The following TENM1 variants were observed in gnomAD, a reference collection of about 807,000 sequenced individuals.
The protein encoded by TENM1 is teneurin-1.
A neutral mutation model predicts 174.8 loss-of-function variants in TENM1; 35 were observed. The observed-to-expected ratio is 0.20, with a 90% confidence interval of 0.15 to 0.27. The LOEUF (loss-of-function observed/expected upper bound fraction) is 0.27. Among genes scored for constraint, TENM1 ranks in the 10% least tolerant of loss-of-function variants. TENM1 has a pLI of 1.00. For missense variants in TENM1, 1,633 were observed against 2,130.1 expected, an observed-to-expected ratio of 0.77 and a Z score of 4.59; for synonymous variants, 781 against 798.7, an observed-to-expected ratio of 0.98 and a Z score of 0.37.
intron 13 of TENM1, among the ~76,000 whole-genome samples, chrX:124,562,182 A>G (rs895029941): frequency 1.8e-5 from 2 of 111,669 alleles, no homozygotes; most frequent in African/African-American, 6.5e-5. Flanking sequence ...TATGGCCAAT[A>G]TGTTGGGAAA....
chrX:124,392,457 G>T, intron 27 of TENM1, 109 bp from the exon 31 acceptor site: 1 of 608,426 alleles, frequency 1.6e-6, no homozygotes, highest in Non-Finnish European at 2.5e-6. Flanking sequence ...AGTCTGTCTT[G>T]CCTCTGAAGC....
In TENM1 at chrX:124,422,653, G is replaced by T; in HGVS notation, c.4105-15C>A. ...TCTAATCGCACCTGTGAAACGAACA[G>T]AACACATACCATTAGGTTACCATGT... On this transcript the variant is annotated splice_polypyrimidine_tract_variant and intron_variant, in intron 23 of 31. Transcript: ENST00000422452. 8.4e-7 allele frequency: 1 copy of T among 1,194,664 alleles called. No homozygotes were observed. Among genetic ancestry groups the T allele is most frequent in the South Asian group, 1.8e-5 (1 of 54,839 alleles).
chrX:124,724,720 C>T (rs1037133747), intron 4 of TENM1, among the ~76,000 whole-genome samples: 3 of 111,848 alleles, frequency 2.7e-5, no homozygotes, highest in African/African-American at 6.5e-5. Context: ...CCCTTGAGCC[C>T]GGGAGGTTGA....
chrX:124,686,922 C>T (rs1448133080), intron 5 of TENM1, among the ~76,000 whole-genome samples: 2 of 111,312 alleles, frequency 1.8e-5, no homozygotes, highest in East Asian at 5.6e-4. Flanking sequence ...TCTGGCAGGG[C>T]AAGCAGGCAA....
intron 3 of TENM1, among the ~76,000 whole-genome samples, chrX:124,857,038 G>A (rs2056827297): frequency 9.0e-6 from 1 of 111,007 alleles, no homozygotes; most frequent in Non-Finnish European, 1.9e-5. Flanking sequence ...ACTGGGTTGT[G>A]ATGAAAAATG....
chrX:125,005,923 T>C, the TENM1 span, among the ~76,000 whole-genome samples: 1 of 111,400 alleles, frequency 9.0e-6, no homozygotes, highest in Non-Finnish European at 1.9e-5. Context: ...GCCCCAGGTT[T>C]TGAGCACAAA....
At chrX:125,109,627 G>A in the TENM1 span, among the ~76,000 whole-genome samples, 2 of 111,264 alleles carry the variant, frequency 1.8e-5, no homozygotes, top group African/African-American at 6.5e-5. Context: ...ATGGGACAGA[G>A]GGAGAGAGAG....
chrX:124,738,150 A>G (rs1481559187), intron 3 of TENM1, among the ~76,000 whole-genome samples: 2 of 111,897 alleles, frequency 1.8e-5, no homozygotes, highest in Non-Finnish European at 3.8e-5. Context: ...AACATAATAG[A>G]TGTCAAGTGA....
At chrX:124,856,958 C>T (rs1405097117) in intron 3 of TENM1, among the ~76,000 whole-genome samples, 1 of 111,364 alleles carries the variant, frequency 9.0e-6, no homozygotes, top group Non-Finnish European at 1.9e-5. Context: ...TCACAGTGCA[C>T]TGCATATAGT....
chrX:125,014,829 G>A, the TENM1 span, among the ~76,000 whole-genome samples: 1 of 111,456 alleles, frequency 9.0e-6, no homozygotes, highest in Non-Finnish European at 1.9e-5. Context: ...AAATGGAAAA[G>A]ATATATTTTC....
chrX:125,169,343 T>C, the TENM1 span, among the ~76,000 whole-genome samples: 1 of 111,527 alleles, frequency 9.0e-6, no homozygotes, highest in Non-Finnish European at 1.9e-5. Flanking sequence ...ACCCCATTCC[T>C]TTTAAAGATG....
At chrX:124,417,174 T>C (rs1278193879) in intron 25 of TENM1, among the ~76,000 whole-genome samples, 1 of 111,993 alleles carries the variant, frequency 8.9e-6, no homozygotes, top group Non-Finnish European at 1.9e-5. Context: ...CTCAGTGTCT[T>C]TTGCTGGTTC....
chrX:124,781,265 G>T (rs1213426329), intron 3 of TENM1, among the ~76,000 whole-genome samples: 1 of 111,511 alleles, frequency 9.0e-6, no homozygotes, highest in Admixed American at 9.6e-5. Context: ...TTAAATGAAA[G>T]AATAAAATCC....
At chrX:124,645,479 G>T in intron 9 of TENM1, 142 bp from the exon 13 acceptor site, 2 of 499,212 alleles carry the variant, frequency 4.0e-6, no homozygotes, top group Non-Finnish European at 3.2e-6. Context: ...ACATGTTCAT[G>T]ATTACAAACA....
At chrX:125,167,359 G>C in the TENM1 span, among the ~76,000 whole-genome samples, 1 of 111,079 alleles carries the variant, frequency 9.0e-6, no homozygotes. Context: ...ACATTTTAGG[G>C]ACAACAACTT....
intron 11 of TENM1, among the ~76,000 whole-genome samples, chrX:124,566,391 C>T (rs1373426171): frequency 1.8e-5 from 2 of 111,909 alleles, no homozygotes; most frequent in Non-Finnish European, 3.8e-5. Context: ...TTTCCTTTGT[C>T]CCTTTGACTT....
At chrX:124,414,420 C>T (rs2060571007) in intron 25 of TENM1, among the ~76,000 whole-genome samples, 3 of 111,387 alleles carry the variant, frequency 2.7e-5, no homozygotes, top group South Asian at 3.9e-4. Flanking sequence ...GTCTGCTGTG[C>T]GAGTTGCTAG....
At chrX:124,671,996 A>G (rs1393400464) in intron 5 of TENM1, among the ~76,000 whole-genome samples, 161 bp from the exon 9 acceptor site, 1 of 112,312 alleles carries the variant, frequency 8.9e-6, no homozygotes, top group African/African-American at 3.2e-5. Flanking sequence ...AGCTACTTAC[A>G]TGCTACGACA....
the TENM1 span, among the ~76,000 whole-genome samples, chrX:125,015,745 T>C: frequency 9.0e-6 from 1 of 111,700 alleles, no homozygotes; most frequent in Non-Finnish European, 1.9e-5. Context: ...CATAGTATTA[T>C]AGAGGAAAGG....
Sources: gnomAD v4.1 joint callset for allele counts (sites outside exome capture counted in the v4.1 genomes callset) on GRCh38, gnomAD v4.1.1 for gene constraint, MANE v1.5 for transcripts, NCBI Gene and HGNC (gene_info 2026-07-23, HGNC 2026-07-21) for gene names.